LHFPL2: variants seen among roughly 807,000 people sequenced by gnomAD.
LHFPL2 encodes the protein LHFPL tetraspan subfamily member 2 protein.
In LHFPL2, 7 loss-of-function variants were observed where a neutral mutation model predicts 17.5. The ratio of observed to expected loss-of-function variants is 0.40; its 90% CI spans 0.23 to 0.75. LHFPL2 has a LOEUF of 0.75. Ranked by LOEUF, LHFPL2 falls within the 30% of genes least tolerant of loss-of-function variation. LHFPL2 has a pLI of 0.37. For missense variants in LHFPL2, 241 were observed against 294.8 expected (o/e 0.82, Z 1.34); for synonymous variants, 134 against 116.2 (o/e 1.15, Z -0.99).
At chr5:78,591,856 G>A (rs934436935) in intron 2 of LHFPL2, among the ~76,000 whole-genome samples, 7 of 152,198 alleles carry the variant, frequency 4.6e-5, no homozygotes, top group African/African-American at 1.7e-4. Flanking sequence ...ACACGGATAG[G>A]AGAAAAATAA....
chr5:78,626,596 T>A (rs1385740022), intron 2 of LHFPL2: 1 of 152,060 alleles, frequency 6.6e-6, no homozygotes. Flanking sequence ...CGCATCCAAC[T>A]GAAAGGGAGG....
Position 78,488,095 on chromosome 5 carries a change from C to T in LHFPL2, c.*802G>A, listed in dbSNP as rs1754311697. 6.6e-6 allele frequency: 1 copy of T among 152,166 alleles called. No individual in the cohort carries two copies. The highest frequency in any genetic ancestry group is 2.4e-5 in the African/African-American group (1 of 41,424). 9.4% of individuals were successfully genotyped at this position (152,166 alleles called of 1,614,324 possible). A position where few individuals can be genotyped will look rare whatever the true frequency, so the allele number is the denominator to read the frequency against. ...TTCGCAGTCAAAGCACAATCCTAAC[C>T]TTAGAAGAAAAACATGTGATCTCCA... On this transcript the variant is annotated 3_prime_UTR_variant, in exon 5 of 5. Coordinates refer to ENST00000380345, the MANE Select transcript of LHFPL2 (RefSeq NM_005779.3).
At chr5:78,636,383 A>G (rs1235045135) in intron 1 of LHFPL2, among the ~76,000 whole-genome samples, 1 of 152,234 alleles carries the variant, frequency 6.6e-6, no homozygotes, top group Non-Finnish European at 1.5e-5. Context: ...CCTTTCGGGT[A>G]AGGAGCTACT....
At chr5:78,586,940 G>A (rs2112454446) in intron 2 of LHFPL2, among the ~76,000 whole-genome samples, 1 of 152,262 alleles carries the variant, frequency 6.6e-6, no homozygotes, top group South Asian at 2.1e-4. Context: ...AATACTTATT[G>A]GATTTTTAAA....
intron 2 of LHFPL2, among the ~76,000 whole-genome samples, chr5:78,621,287 A>T (rs899947475): frequency 1.2e-4 from 18 of 152,302 alleles, no homozygotes; most frequent in African/African-American, 4.3e-4. Context: ...TTAGAGAGTA[A>T]CAGCCACTCT....
chr5:78,526,817 G>A (rs897992324), intron 3 of LHFPL2, among the ~76,000 whole-genome samples: 2 of 152,124 alleles, frequency 1.3e-5, no homozygotes. Context: ...TTTCCTGAAG[G>A]CTACACAGCA....
At chr5:78,514,395 C>A in intron 3 of LHFPL2, among the ~76,000 whole-genome samples, 1 of 151,294 alleles carries the variant, frequency 6.6e-6, no homozygotes, top group East Asian at 1.9e-4. Context: ...CCTGCAGAAA[C>A]CTACATTAAT....
chr5:78,511,746 C>T (rs888629756), intron 3 of LHFPL2, among the ~76,000 whole-genome samples: 2 of 152,190 alleles, frequency 1.3e-5, no homozygotes, highest in African/African-American at 2.4e-5. Flanking sequence ...GTGACTCTAC[C>T]CATCCCTTGA....
chr5:78,519,167 G>A (rs1206427613), intron 3 of LHFPL2, among the ~76,000 whole-genome samples: 1 of 152,112 alleles, frequency 6.6e-6, no homozygotes, highest in East Asian at 1.9e-4. Context: ...GTAAGAGAGA[G>A]ACGCGAGGCA....
chr5:78,588,414 C>A (rs1267775986), intron 2 of LHFPL2, among the ~76,000 whole-genome samples: 1 of 151,932 alleles, frequency 6.6e-6, no homozygotes, highest in Admixed American at 6.5e-5. Context: ...TATAAACACT[C>A]ACAAGAGTCA....
At chr5:78,543,459 G>C (rs75744444) in intron 3 of LHFPL2, among the ~76,000 whole-genome samples, 1,774 of 152,290 alleles carry the variant, frequency 0.012, 40 homozygotes, top group African/African-American at 0.04. Context: ...GGCACAGCAT[G>C]CATCCACAGA....
At chr5:78,646,259 G>A (rs1245693484) in intron 1 of LHFPL2, among the ~76,000 whole-genome samples, 2 of 152,174 alleles carry the variant, frequency 1.3e-5, no homozygotes, top group Non-Finnish European at 2.9e-5. Context: ...CAGTGTTTTT[G>A]AGTGTAGGCT....
At chr5:78,599,329 T>C (rs1340594521) in intron 2 of LHFPL2, among the ~76,000 whole-genome samples, 1 of 152,124 alleles carries the variant, frequency 6.6e-6, no homozygotes, top group Non-Finnish European at 1.5e-5. Context: ...GACAGAGTTT[T>C]GCTCTTGTTG....
At chr5:78,644,788 G>T in intron 1 of LHFPL2, 2 of 232,666 alleles carry the variant, frequency 8.6e-6, no homozygotes, top group South Asian at 1.4e-4. Context: ...CAACAAGTGT[G>T]GACAAAGAAT....
chr5:78,542,913 T>G (rs1756156695), intron 3 of LHFPL2, among the ~76,000 whole-genome samples: 1 of 152,118 alleles, frequency 6.6e-6, no homozygotes, highest in Non-Finnish European at 1.5e-5. Flanking sequence ...CTTAGGCAGA[T>G]AGTGAGGGTA....
At chr5:78,615,280 G>A (rs573010861) in intron 2 of LHFPL2, among the ~76,000 whole-genome samples, 3 of 152,104 alleles carry the variant, frequency 2.0e-5, no homozygotes, top group South Asian at 4.1e-4. Context: ...AACAGAAGAC[G>A]AAATCAAAAG....
chr5:78,582,543 A>C (rs2112445723), intron 2 of LHFPL2, among the ~76,000 whole-genome samples: 1 of 150,876 alleles, frequency 6.6e-6, no homozygotes, highest in East Asian at 1.9e-4. Flanking sequence ...TTCGTTATGT[A>C]CCCAGTAGTC....
chr5:78,502,187 A>G (rs1260257468), intron 4 of LHFPL2, among the ~76,000 whole-genome samples: 2 of 152,260 alleles, frequency 1.3e-5, no homozygotes, highest in Non-Finnish European at 2.9e-5. Context: ...CATAGTTGTC[A>G]TAAAAAGATC....
intron 2 of LHFPL2, among the ~76,000 whole-genome samples, chr5:78,594,257 G>C (rs1743750641): frequency 6.6e-6 from 1 of 152,168 alleles, no homozygotes; most frequent in Non-Finnish European, 1.5e-5. Flanking sequence ...TGTTAACTCT[G>C]TTCCCCTATT....
Sources: gnomAD v4.1 joint callset for allele counts (sites outside exome capture counted in the v4.1 genomes callset) on GRCh38, gnomAD v4.1.1 for gene constraint, MANE v1.5 for transcripts, NCBI Gene and HGNC (gene_info 2026-07-23, HGNC 2026-07-21) for gene names.